Variants in TRMT9B observed in about 807,000 individuals in gnomAD.
The protein encoded by TRMT9B is probable tRNA methyltransferase 9B.
A neutral mutation model predicts 11.5 loss-of-function variants in TRMT9B; 16 were observed. The observed-to-expected ratio is 1.39, with a 90% CI of 0.94 to 2.11. TRMT9B has a LOEUF of 2.11. Among genes scored for constraint, TRMT9B ranks in the 30% most tolerant of loss-of-function variants. TRMT9B has a pLI of 0.00. For missense variants in TRMT9B, 941 were observed against 553.8 expected (o/e 1.70, Z -7.02); for synonymous variants, 274 against 192.4 (o/e 1.42, Z -3.51).
chr8:12,952,044 T>A (rs1800693805), intron 1 of TRMT9B: 1 of 214,924 alleles, frequency 4.7e-6, no homozygotes, highest in African/African-American at 2.4e-5. Flanking sequence ...CTTCCTTTCA[T>A]CCTCACACTC....
Position 13,024,514 on chromosome 8 carries a change from TC to T in TRMT9B, c.*2472del. On this transcript the variant is annotated 3_prime_UTR_variant, in exon 5 of 5. Transcript: ENST00000524591. ...AGCCTATTGTCACATGGGTTTTTAA[TC>T]CTGGCCTTGCTGCTAGAAATCTGTG... is the stretch of plus-strand genomic sequence containing the variant. 2 of 167,258 alleles carry T rather than the reference TC, an allele frequency of 1.2e-5. No individual in the cohort carries two copies. The highest frequency in any genetic ancestry group is 1.3e-4 in the Admixed American group (2 of 15,304). 10.4% of individuals were successfully genotyped at this position (167,258 alleles called of 1,614,324 possible). A position where few individuals can be genotyped will look rare whatever the true frequency, so the allele number is the denominator to read the frequency against.
At chr8:12,968,227 A>T (rs1468312756) in intron 1 of TRMT9B, among the ~76,000 whole-genome samples, 2 of 152,202 alleles carry the variant, frequency 1.3e-5, no homozygotes, top group Non-Finnish European at 2.9e-5. Context: ...CACGGAAGAC[A>T]TACATCCCAA....
At chr8:12,994,676 G>A (rs933964883) in intron 2 of TRMT9B, among the ~76,000 whole-genome samples, 5 of 152,102 alleles carry the variant, frequency 3.3e-5, no homozygotes, top group African/African-American at 9.7e-5. Flanking sequence ...GACAAGAAAC[G>A]AACATTTTCT....
chr8:12,968,520 T>G (rs1255760971), intron 1 of TRMT9B, among the ~76,000 whole-genome samples: 1 of 152,236 alleles, frequency 6.6e-6, no homozygotes, highest in Admixed American at 6.5e-5. Context: ...TAATGCTTTC[T>G]AATAGGTGGT....
intron 3 of TRMT9B, chr8:13,007,210 C>G (rs961861891): frequency 6.6e-6 from 1 of 152,204 alleles, no homozygotes; most frequent in Non-Finnish European, 1.5e-5. Context: ...TCTTATGAAT[C>G]TCATGGGTCC....
intron 1 of TRMT9B, among the ~76,000 whole-genome samples, chr8:12,957,002 T>G (rs1367569766): frequency 6.6e-6 from 1 of 152,202 alleles, no homozygotes. Context: ...TATTTGGAGT[T>G]GGAAAATGAG....
intron 4 of TRMT9B, among the ~76,000 whole-genome samples, chr8:13,020,086 C>T (rs967298757): frequency 3.9e-5 from 6 of 152,146 alleles, no homozygotes; most frequent in Non-Finnish European, 7.4e-5. Flanking sequence ...ATTAGTTTGC[C>T]TAAAATCACC....
At chr8:12,996,291 C>G (rs965265456) in intron 2 of TRMT9B, among the ~76,000 whole-genome samples, 1 of 152,172 alleles carries the variant, frequency 6.6e-6, no homozygotes, top group Non-Finnish European at 1.5e-5. Context: ...AATTTCCTTC[C>G]TCTCATCATA....
At chr8:12,976,976 C>T (rs571813809) in intron 1 of TRMT9B, among the ~76,000 whole-genome samples, 56 of 152,334 alleles carry the variant, frequency 3.7e-4, no homozygotes, top group Middle Eastern at 3.4e-3. Flanking sequence ...TATGCCTGCT[C>T]ATGCCCCAGA....
At chr8:13,004,638 C>T (rs1335335326) in intron 2 of TRMT9B, among the ~76,000 whole-genome samples, 1 of 151,842 alleles carries the variant, frequency 6.6e-6, no homozygotes, top group Non-Finnish European at 1.5e-5. Context: ...ACTAAAGAGC[C>T]CTTTGGCCCT....
At chr8:13,018,274 T>C (rs1215819869) in intron 4 of TRMT9B, among the ~76,000 whole-genome samples, 1 of 151,004 alleles carries the variant, frequency 6.6e-6, no homozygotes, top group Non-Finnish European at 1.5e-5. Flanking sequence ...TGGTGATATA[T>C]ACCTGTGGTC....
chr8:12,983,597 G>A (rs1805765280), intron 1 of TRMT9B, among the ~76,000 whole-genome samples: 2 of 152,146 alleles, frequency 1.3e-5, no homozygotes, highest in South Asian at 4.1e-4. Flanking sequence ...TTGAATCCAG[G>A]AGGCGGAGGT....
chr8:12,986,711 TG>T (rs1213071752), intron 1 of TRMT9B, among the ~76,000 whole-genome samples: 15 of 152,236 alleles, frequency 9.9e-5, no homozygotes, highest in African/African-American at 3.4e-4. Flanking sequence ...AGTGGTACAT[TG>T]TACTGTATCA....
At chr8:13,005,438 A>G (rs544570626) in intron 2 of TRMT9B, among the ~76,000 whole-genome samples, 33 of 152,318 alleles carry the variant, frequency 2.2e-4, no homozygotes, top group African/African-American at 7.9e-4. Flanking sequence ...AGTATATTGG[A>G]TTGTTTGTAA....
chr8:12,972,213 G>T (rs1803743215), intron 1 of TRMT9B, among the ~76,000 whole-genome samples: 1 of 152,134 alleles, frequency 6.6e-6, no homozygotes, highest in Non-Finnish European at 1.5e-5. Context: ...TGTGCTGAGA[G>T]GACAAAGAGA....
At chr8:12,950,138 G>C (rs1415855609) in intron 1 of TRMT9B, among the ~76,000 whole-genome samples, 1 of 152,102 alleles carries the variant, frequency 6.6e-6, no homozygotes, top group Non-Finnish European at 1.5e-5. Context: ...ACAGGCATGA[G>C]CCACCTCACC....
intron 1 of TRMT9B, among the ~76,000 whole-genome samples, chr8:12,967,945 G>T (rs1321072105): frequency 1.4e-4 from 22 of 152,134 alleles, no homozygotes; most frequent in Admixed American, 1.4e-3. Flanking sequence ...GCCCAGGCTG[G>T]AGTGCAGTGG....
chr8:12,958,119 G>A (rs1053217451), intron 1 of TRMT9B, among the ~76,000 whole-genome samples: 17 of 152,092 alleles, frequency 1.1e-4, no homozygotes, highest in African/African-American at 3.9e-4. Flanking sequence ...ATTCCATGTA[G>A]TATAATATTT....
intron 2 of TRMT9B, among the ~76,000 whole-genome samples, chr8:12,993,519 G>C (rs934975101): frequency 6.6e-6 from 1 of 152,166 alleles, no homozygotes; most frequent in South Asian, 2.1e-4. Flanking sequence ...ATAGATGTGG[G>C]GGGTGCAGAG....
Sources: gnomAD v4.1 joint callset for allele counts (sites outside exome capture counted in the v4.1 genomes callset) on GRCh38, gnomAD v4.1.1 for gene constraint, MANE v1.5 for transcripts, NCBI Gene and HGNC (gene_info 2026-07-23, HGNC 2026-07-21) for gene names.